Variants in PDZRN4 observed in about 807,000 individuals in gnomAD.
PDZRN4 encodes the protein PDZ domain-containing RING finger protein 4.
PDZRN4 carries 70 observed loss-of-function variants against 99.0 expected under a neutral mutation model. The observed-to-expected ratio is 0.71, with a 90% confidence interval of 0.58 to 0.86. The LOEUF is 0.86. Among genes scored for constraint, PDZRN4 ranks in the 40% least tolerant of loss-of-function variants. PDZRN4 has a pLI of 0.00. For synonymous variants in PDZRN4, 551 were observed against 501.6 expected (o/e 1.10, Z -1.32); for missense variants, 1,474 against 1,331.2 (o/e 1.11, Z -1.67).
At chr12:41,539,806 G>A (rs907220327) in intron 5 of PDZRN4, among the ~76,000 whole-genome samples, 2 of 152,126 alleles carry the variant, frequency 1.3e-5, no homozygotes, top group African/African-American at 4.8e-5. Context: ...TCTCTGTTGT[G>A]TCAACATAGA....
intron 3 of PDZRN4, among the ~76,000 whole-genome samples, chr12:41,284,208 AC>A (rs754510335): frequency 4.7e-4 from 71 of 152,356 alleles, no homozygotes; most frequent in Admixed American, 1.7e-3. Context: ...GCATTCCTAT[AC>A]ACCAATAACA....
intron 5 of PDZRN4, among the ~76,000 whole-genome samples, chr12:41,518,966 G>A (rs1592094750): frequency 6.6e-6 from 1 of 151,576 alleles, no homozygotes. Flanking sequence ...ATAAATAAAA[G>A]GTGCTTGGAA....
At chr12:41,351,155 G>T (rs1753112615) in intron 3 of PDZRN4, among the ~76,000 whole-genome samples, 2 of 152,066 alleles carry the variant, frequency 1.3e-5, no homozygotes, top group Non-Finnish European at 1.5e-5. Flanking sequence ...CTAGCATGAA[G>T]ACATAGATTA....
intron 5 of PDZRN4, among the ~76,000 whole-genome samples, chr12:41,540,903 C>CGTTGTT (rs199757826): frequency 0.098 from 4,943 of 50,236 alleles, 119 homozygotes; most frequent in Middle Eastern, 0.15. Context: ...CCCTTTTCTT[C>CGTTGTT]GTTGTTGTTG....
intron 3 of PDZRN4, among the ~76,000 whole-genome samples, chr12:41,475,530 G>A (rs1278017054): frequency 6.6e-6 from 1 of 152,116 alleles, no homozygotes; most frequent in African/African-American, 2.4e-5. Context: ...CACATTCTTT[G>A]CAGCTTTAAA....
intron 3 of PDZRN4, among the ~76,000 whole-genome samples, chr12:41,376,872 A>T (rs117710895): frequency 0.013 from 1,976 of 152,208 alleles, 23 homozygotes; most frequent in Middle Eastern, 0.037. Flanking sequence ...ATTTATATTT[A>T]AGTTTTAATT....
At chr12:41,458,813 G>A (rs1952842519) in intron 3 of PDZRN4, among the ~76,000 whole-genome samples, 1 of 152,178 alleles carries the variant, frequency 6.6e-6, no homozygotes, top group Admixed American at 6.5e-5. Context: ...TGGCTTGGAA[G>A]ACATGGCAGT....
chr12:41,473,275 G>T (rs1404521220), intron 3 of PDZRN4: 3 of 152,040 alleles, frequency 2.0e-5, no homozygotes, highest in African/African-American at 7.2e-5. Flanking sequence ...AATTATAAAG[G>T]GGGAGATGCA....
intron 3 of PDZRN4, among the ~76,000 whole-genome samples, chr12:41,283,757 A>C (rs748230542): frequency 4.6e-5 from 7 of 152,200 alleles, no homozygotes; most frequent in Non-Finnish European, 1.0e-4. Context: ...AAGGACAAAA[A>C]TCACGTGATT....
At chr12:41,341,384 G>A (rs985264570) in intron 3 of PDZRN4, among the ~76,000 whole-genome samples, 2 of 151,716 alleles carry the variant, frequency 1.3e-5, no homozygotes, top group African/African-American at 2.4e-5. Context: ...GAAATAAAAG[G>A]CATCCCTGTT....
At chr12:41,294,965 A>C (rs1048029714) in intron 3 of PDZRN4, among the ~76,000 whole-genome samples, 1 of 152,086 alleles carries the variant, frequency 6.6e-6, no homozygotes, top group Non-Finnish European at 1.5e-5. Context: ...CAAAGAGCCC[A>C]AAGTTTTCTA....
At chr12:41,472,007 T>TA (rs1390438354) in intron 3 of PDZRN4, among the ~76,000 whole-genome samples, 2 of 151,346 alleles carry the variant, frequency 1.3e-5, no homozygotes, top group Non-Finnish European at 3.0e-5. Flanking sequence ...ATATTACTTT[T>TA]TTTTTTTTTT....
chr12:41,333,087 C>T (rs1398322576), intron 3 of PDZRN4, among the ~76,000 whole-genome samples: 1 of 152,080 alleles, frequency 6.6e-6, no homozygotes, highest in Non-Finnish European at 1.5e-5. Flanking sequence ...GACCTCAAAG[C>T]CTGCACCTGT....
At chr12:41,377,507 A>T (rs565388733) in intron 3 of PDZRN4, among the ~76,000 whole-genome samples, 1 of 152,272 alleles carries the variant, frequency 6.6e-6, no homozygotes, top group African/African-American at 2.4e-5. Flanking sequence ...TATTAAAAAT[A>T]CAAAAAAATT....
Position 41,506,488 on chromosome 12 carries a change from T to A in PDZRN4, c.876T>A (p.His292Gln). The part of the protein sequence containing the change: ...VNGKDLSKAT[H>Q]EEAVEAFRNA... Reference sequence around the variant, plus strand: ...GGAAGGATCTTTCAAAGGCCACTCATGAAGAGGCAGTGGAAGCTTTTCGCA... The same window carrying A: ...GGAAGGATCTTTCAAAGGCCACTCAAGAAGAGGCAGTGGAAGCTTTTCGCA... The change falls in exon 4 of 10, where the codon CAT becomes CAA. Residue 292 changes from histidine (H) to glutamine (Q), a missense_variant. Coordinates refer to ENST00000402685, the MANE Select transcript of PDZRN4 (RefSeq NM_001164595.2). 1 of 1,613,492 alleles carries A rather than the reference T, an allele frequency of 6.2e-7. No individual in the cohort carries two copies. The highest frequency in any genetic ancestry group is 8.5e-7 in the Non-Finnish European group (1 of 1,179,650).
intron 3 of PDZRN4, among the ~76,000 whole-genome samples, chr12:41,308,292 C>G (rs1267051280): frequency 2.6e-5 from 4 of 152,082 alleles, no homozygotes; most frequent in Non-Finnish European, 5.9e-5. Flanking sequence ...GTACAAGACC[C>G]AGCAGTGGAC....
chr12:41,528,658 A>G (rs1322136603), intron 5 of PDZRN4, among the ~76,000 whole-genome samples: 1 of 152,212 alleles, frequency 6.6e-6, no homozygotes, highest in Non-Finnish European at 1.5e-5. Flanking sequence ...CCTGCCTCGC[A>G]TTGTTTGTGT....
intron 3 of PDZRN4, among the ~76,000 whole-genome samples, chr12:41,314,557 CTTGAGTA>C (rs1228229861): frequency 2.0e-5 from 3 of 152,114 alleles, no homozygotes; most frequent in Non-Finnish European, 4.4e-5. Context: ...TTAACTGAGT[CTTGAGTA>C]TTGAGTAGAA....
chr12:41,492,566 T>G (rs1448369195), intron 3 of PDZRN4, among the ~76,000 whole-genome samples: 1 of 152,124 alleles, frequency 6.6e-6, no homozygotes, highest in Non-Finnish European at 1.5e-5. Flanking sequence ...AAGCTCTGAG[T>G]CTCATTCAGT....
Sources: allele counts gnomAD v4.1 joint callset (sites outside exome capture counted in the v4.1 genomes callset), GRCh38; gene constraint gnomAD v4.1.1; transcripts MANE v1.5; gene names NCBI Gene and HGNC (gene_info 2026-07-23, HGNC 2026-07-21).